RAB1A: variants seen among roughly 807,000 people sequenced by gnomAD.
RAB1A encodes RAB1A, member RAS oncogene family.
RAB1A carries 2 observed loss-of-function variants against 26.0 expected under a neutral mutation model. The ratio of observed to expected loss-of-function variants is 0.08; its 90% CI spans 0.03 to 0.24. The LOEUF is 0.24. Among genes scored for constraint, RAB1A ranks in the 10% least tolerant of loss-of-function variants. The pLI, the probability that RAB1A is intolerant of heterozygous loss-of-function variation, is 1.00. For missense variants in RAB1A, 100 were observed against 247.0 expected (o/e 0.40, Z 3.99); for synonymous variants, 84 against 84.9 (o/e 0.99, Z 0.06).
At chr2:65,102,906 A>C (rs1371536842) in intron 2 of RAB1A, among the ~76,000 whole-genome samples, 9 of 152,000 alleles carry the variant, frequency 5.9e-5, no homozygotes, top group Admixed American at 5.9e-4. Context: ...AGCCTGGGCA[A>C]CAAAGCAATA....
chr2:65,089,931 G>GAC (rs1558575344), intron 4 of RAB1A, among the ~76,000 whole-genome samples: 1 of 152,128 alleles, frequency 6.6e-6, no homozygotes, highest in Non-Finnish European at 1.5e-5. Flanking sequence ...TCTAACTCCT[G>GAC]ACCTCAGGTG....
intron 1 of RAB1A, among the ~76,000 whole-genome samples, chr2:65,128,209 A>G (rs969010358): frequency 6.6e-6 from 1 of 152,174 alleles, no homozygotes; most frequent in African/African-American, 2.4e-5. Flanking sequence ...CAATTATCCT[A>G]TTTTACAAAA....
intron 2 of RAB1A, among the ~76,000 whole-genome samples, chr2:65,103,523 T>A (rs1161156627): frequency 6.6e-6 from 1 of 152,156 alleles, no homozygotes; most frequent in African/African-American, 2.4e-5. Flanking sequence ...GCTGCCTTGA[T>A]GTGTACCAAG....
At chr2:65,128,962 G>C (rs1670168662) in intron 1 of RAB1A, among the ~76,000 whole-genome samples, 1 of 152,042 alleles carries the variant, frequency 6.6e-6, no homozygotes, top group South Asian at 2.1e-4. Flanking sequence ...GAGTAAGCAA[G>C]AAAAAGAAAT....
intron 1 of RAB1A, among the ~76,000 whole-genome samples, chr2:65,111,423 T>C (rs1669691028): frequency 6.6e-6 from 1 of 150,508 alleles, no homozygotes; most frequent in Non-Finnish European, 1.5e-5. Flanking sequence ...GGACATTCTA[T>C]AAAATACCTA....
Position 65,088,382 on chromosome 2 carries a change from G to C in RAB1A, c.*111C>G, listed in dbSNP as rs1205477937. On this transcript the variant is annotated 3_prime_UTR_variant, in exon 6 of 6. Coordinates refer to ENST00000409784, the MANE Select transcript of RAB1A (RefSeq NM_004161.5). ...ACAATCTCTGACCTTTGTGGAGACGGTAAGAATCTGTTGTAGTGCAGCTAC... is the reference window on the plus strand; with the variant it reads ...ACAATCTCTGACCTTTGTGGAGACGCTAAGAATCTGTTGTAGTGCAGCTAC... 3 of 884,012 alleles carry C rather than the reference G, an allele frequency of 3.4e-6. No individual in the cohort carries two copies. The South Asian group carries it at 5.6e-5, about 16-fold the overall frequency. 54.8% of individuals were successfully genotyped at this position (884,012 alleles called of 1,614,324 possible). A position where few individuals can be genotyped will look rare whatever the true frequency, so the allele number is the denominator to read the frequency against.
At chr2:65,089,136 T>C in intron 4 of RAB1A, 66 bp from the exon 5 acceptor site, 1 of 1,416,474 alleles carries the variant, frequency 7.1e-7, no homozygotes, top group Non-Finnish European at 9.7e-7. Context: ...AACAGAAACA[T>C]CGTTCCTGAC....
chr2:65,098,752 A>T (rs1184689776), intron 2 of RAB1A, among the ~76,000 whole-genome samples: 2 of 151,746 alleles, frequency 1.3e-5, no homozygotes, highest in African/African-American at 4.8e-5. Context: ...GGAATCATAA[A>T]ATATGTGGCC....
chr2:65,105,624 G>A (rs77186494), intron 1 of RAB1A, among the ~76,000 whole-genome samples: 9 of 150,118 alleles, frequency 6.0e-5, no homozygotes, highest in South Asian at 2.1e-4. Flanking sequence ...GAATTCTCCC[G>A]TCAAAACAAT....
At chr2:65,103,002 A>G (rs1292996138) in intron 2 of RAB1A, among the ~76,000 whole-genome samples, 1 of 151,776 alleles carries the variant, frequency 6.6e-6, no homozygotes, top group East Asian at 1.9e-4. Flanking sequence ...AAAACTACAA[A>G]TGCTTTTCTT....
At chr2:65,126,404 A>T (rs1277163085) in intron 1 of RAB1A, among the ~76,000 whole-genome samples, 1 of 152,080 alleles carries the variant, frequency 6.6e-6, no homozygotes, top group Non-Finnish European at 1.5e-5. Context: ...ACACTTTGGG[A>T]GGCCAAGGCC....
At chr2:65,104,855 C>T (rs765310577) in intron 1 of RAB1A, 49 bp from the exon 2 acceptor site, 3 of 1,387,706 alleles carry the variant, frequency 2.2e-6, no homozygotes, top group South Asian at 2.3e-5. Context: ...CACTGCATTG[C>T]TATAAGCTAT....
At chr2:65,122,355 G>A (rs1477675328) in intron 1 of RAB1A, among the ~76,000 whole-genome samples, 2 of 148,274 alleles carry the variant, frequency 1.3e-5, no homozygotes, top group African/African-American at 5.0e-5. Flanking sequence ...AGACTAGCCT[G>A]GGGCAACATA....
Position 65,087,487 on chromosome 2 carries a change from G to C in RAB1A, c.*1006C>G, listed in dbSNP as rs1273528205. The C allele has an allele frequency of 6.6e-6, 1 of 152,630 alleles. No individual in the cohort carries two copies. The highest frequency in any genetic ancestry group is 2.4e-5 in the African/African-American group (1 of 41,436). The allele number at this position is 152,630 out of a possible 1,614,324, so 9.5% of individuals were successfully genotyped here. ...GAAAAACATTAGCACACATTAGTCT[G>C]ATCATTTGCCAATTAGGAAAGGTGC... is the stretch of plus-strand genomic sequence containing the variant. On this transcript the variant is annotated 3_prime_UTR_variant, in exon 6 of 6. Coordinates refer to ENST00000409784, the MANE Select transcript of RAB1A (RefSeq NM_004161.5).
At chr2:65,099,940 T>C (rs781342562) in intron 2 of RAB1A, among the ~76,000 whole-genome samples, 10 of 152,136 alleles carry the variant, frequency 6.6e-5, no homozygotes, top group Admixed American at 6.6e-5. Context: ...TTGGACAATC[T>C]ACAGGACAAG....
At chr2:65,092,435 AG>A (rs1223381424) in intron 3 of RAB1A, among the ~76,000 whole-genome samples, 1 of 152,200 alleles carries the variant, frequency 6.6e-6, no homozygotes, top group Admixed American at 6.5e-5. Flanking sequence ...AATGCTAGAT[AG>A]CATTCACCTT....
At chr2:65,121,915 T>G (rs756810388) in intron 1 of RAB1A, among the ~76,000 whole-genome samples, 6 of 152,082 alleles carry the variant, frequency 3.9e-5, no homozygotes, top group Non-Finnish European at 7.3e-5. Flanking sequence ...TCCTAGCACT[T>G]TGGGAGACCA....
chr2:65,118,045 G>T (rs1669865108), intron 1 of RAB1A, among the ~76,000 whole-genome samples: 1 of 152,108 alleles, frequency 6.6e-6, no homozygotes, highest in African/African-American at 2.4e-5. Context: ...GTAAAACTAG[G>T]GCATTTTCTT....
At position 65,091,090 on chromosome 2, in the gene RAB1A, C is replaced by A; in HGVS notation, c.193-12G>T. On this transcript the variant is annotated splice_polypyrimidine_tract_variant and intron_variant, in intron 3 of 5. Coordinates refer to ENST00000409784, the MANE Select transcript of RAB1A (RefSeq NM_004161.5). ...CCTGCTGTGTCCCACTATTACAAAA[C>A]AATCAAGAAATCCAAACAATTCCAT... The A allele has an allele frequency of 6.3e-7, 1 of 1,595,660 alleles. No homozygotes were observed.
Sources: gnomAD v4.1 joint callset for allele counts (sites outside exome capture counted in the v4.1 genomes callset) on GRCh38, gnomAD v4.1.1 for gene constraint, MANE v1.5 for transcripts, NCBI Gene and HGNC (gene_info 2026-07-23, HGNC 2026-07-21) for gene names.